Variants in OXSR1 observed in about 807,000 individuals in gnomAD.
OXSR1 encodes serine/threonine-protein kinase OSR1.
OXSR1 carries 24 observed loss-of-function variants against 79.8 expected under a neutral mutation model. The ratio of observed to expected loss-of-function variants is 0.30; its 90% CI spans 0.22 to 0.42. OXSR1 has a LOEUF of 0.42. Ranked by LOEUF, OXSR1 falls within the 10% of genes least tolerant of loss-of-function variation. The pLI, the probability that OXSR1 is intolerant of heterozygous loss-of-function variation, is 1.00. For missense variants in OXSR1, 430 were observed against 618.4 expected, an observed-to-expected ratio of 0.70 and a Z score of 3.23; for synonymous variants, 226 against 209.2, an observed-to-expected ratio of 1.08 and a Z score of -0.69.
chr3:38,214,111 G>C (rs1338051786), intron 4 of OXSR1, among the ~76,000 whole-genome samples: 1 of 151,494 alleles, frequency 6.6e-6, no homozygotes, highest in African/African-American at 2.4e-5. Context: ...AGTAGGGATT[G>C]GGGAAGCAGG....
chr3:38,193,431 C>T, intron 3 of OXSR1: 1 of 1,263,702 alleles, frequency 7.9e-7, no homozygotes, highest in Non-Finnish European at 1.0e-6. Context: ...AATACTGTAT[C>T]TTTCGTTATT....
At chr3:38,182,894 C>A in intron 1 of OXSR1, 109 bp from the exon 2 acceptor site, 1 of 598,448 alleles carries the variant, frequency 1.7e-6, no homozygotes, top group South Asian at 2.3e-5. Flanking sequence ...CTGTTATGCG[C>A]TGTAGGAACA....
intron 4 of OXSR1, among the ~76,000 whole-genome samples, chr3:38,205,211 T>A (rs1702244202): frequency 6.6e-6 from 1 of 152,218 alleles, no homozygotes; most frequent in Non-Finnish European, 1.5e-5. Flanking sequence ...ACCATTAGTG[T>A]CTCTAACAGT....
At position 38,246,059 on chromosome 3, in the gene OXSR1, T is replaced by C; in HGVS notation, c.1111-16T>C. The C allele has an allele frequency of 1.2e-6, 2 of 1,612,700 alleles. No homozygotes were observed. Among genetic ancestry groups the C allele is most frequent in the South Asian group, 1.1e-5 (1 of 91,050 alleles). The stretch of plus-strand genomic sequence containing the variant: ...TCCACACAACTTAAGCAACACTGTG[T>C]GTGTTTTTGTTACAGCTCTTTCCAA... On this transcript the variant is annotated splice_polypyrimidine_tract_variant and intron_variant, in intron 12 of 17. Coordinates refer to ENST00000311806, the MANE Select transcript of OXSR1 (RefSeq NM_005109.3).
intron 8 of OXSR1, among the ~76,000 whole-genome samples, chr3:38,227,572 CACACACACACACACAAAT>C (rs1158790516): frequency 6.6e-6 from 1 of 151,376 alleles, no homozygotes; most frequent in Non-Finnish European, 1.5e-5. Context: ...CACACACACA[CACACACACACACACAAAT>C]GTACGTATAC....
chr3:38,201,316 C>T (rs947402626), intron 4 of OXSR1, among the ~76,000 whole-genome samples: 2 of 151,986 alleles, frequency 1.3e-5, no homozygotes, highest in Non-Finnish European at 1.5e-5. Context: ...GCCTATAATC[C>T]CAGCACTTTG....
chr3:38,179,894 C>T (rs1701749514), intron 1 of OXSR1, among the ~76,000 whole-genome samples: 1 of 152,000 alleles, frequency 6.6e-6, no homozygotes, highest in African/African-American at 2.4e-5. Flanking sequence ...CTGTAACCTC[C>T]ACCTTCCGGG....
chr3:38,223,925 A>T lies in OXSR1; in HGVS notation c.702+12A>T, dbSNP rs370524330. ...ATCCACCAATGAAGGTGAGGCTTGT[A>T]TTCCAAATACTACCCCAGCTCAAGT... On this transcript the variant is annotated intron_variant, in intron 7 of 17. Transcript: ENST00000311806. The T allele has an allele frequency of 2.2e-4, 337 of 1,514,616 alleles. 4 individuals carry two copies. Among genetic ancestry groups the T allele is most frequent in the Middle Eastern group, 1.0e-3 (6 of 5,844 alleles). 93.8% of individuals were successfully genotyped at this position (1,514,616 alleles called of 1,614,324 possible). A position where few individuals can be genotyped will look rare whatever the true frequency, so the allele number is the denominator to read the frequency against.
At chr3:38,186,166 T>G (rs1413073406) in intron 2 of OXSR1, among the ~76,000 whole-genome samples, 2 of 151,636 alleles carry the variant, frequency 1.3e-5, no homozygotes, top group African/African-American at 4.8e-5. Context: ...GAAGAAATAA[T>G]AAGTGAAAAA....
At chr3:38,206,115 T>C (rs1702259619) in intron 4 of OXSR1, among the ~76,000 whole-genome samples, 1 of 152,198 alleles carries the variant, frequency 6.6e-6, no homozygotes. Flanking sequence ...AAAATTAATT[T>C]TGACACAAGA....
intron 5 of OXSR1, among the ~76,000 whole-genome samples, chr3:38,216,534 A>G (rs1411396207): frequency 2.0e-5 from 3 of 152,046 alleles, no homozygotes; most frequent in Non-Finnish European, 4.4e-5. Context: ...GTCCTGGGGG[A>G]AATGGAGTAT....
At chr3:38,240,622 T>G (rs1383833209) in intron 11 of OXSR1, among the ~76,000 whole-genome samples, 1 of 151,990 alleles carries the variant, frequency 6.6e-6, no homozygotes, top group Non-Finnish European at 1.5e-5. Flanking sequence ...TGAGAAATGG[T>G]TGATTCCAGG....
In OXSR1 at chr3:38,176,028, G is replaced by C. The variant is rs111885374; in HGVS notation, c.71-6975G>C. Reference sequence around the variant, plus strand: ...ACACTTTGACTAAACCATTCCTTTTGTTCTTTAAAAAATTTTTTTTTTCTA... The same window carrying C: ...ACACTTTGACTAAACCATTCCTTTTCTTCTTTAAAAAATTTTTTTTTTCTA... On this transcript the variant is annotated intron_variant, in intron 1 of 17. Coordinates refer to ENST00000311806, the MANE Select transcript of OXSR1 (RefSeq NM_005109.3). Among the ~76,000 whole-genome samples, 160 of 152,114 alleles carry C rather than the reference G, an allele frequency of 1.1e-3. 1 individual carries two copies. The highest frequency in any genetic ancestry group is 3.4e-3 in the Middle Eastern group (1 of 294).
intron 1 of OXSR1, among the ~76,000 whole-genome samples, chr3:38,174,583 AAAACAAAC>A (rs754279980): frequency 6.6e-6 from 1 of 152,196 alleles, no homozygotes; most frequent in Non-Finnish European, 1.5e-5. Flanking sequence ...CACTGTCTCA[AAAACAAAC>A]AAACAAACAC....
At chr3:38,189,829 T>G (rs1701950509) in intron 2 of OXSR1, among the ~76,000 whole-genome samples, 1 of 152,212 alleles carries the variant, frequency 6.6e-6, no homozygotes, top group Non-Finnish European at 1.5e-5. Flanking sequence ...CCACAGTGAT[T>G]GAGAATCTAC....
At chr3:38,250,873 A>T (rs1703242677) in intron 15 of OXSR1, among the ~76,000 whole-genome samples, 1 of 152,042 alleles carries the variant, frequency 6.6e-6, no homozygotes, top group East Asian at 1.9e-4. Flanking sequence ...GGCAACCAAT[A>T]CCACTGAGTT....
intron 6 of OXSR1, among the ~76,000 whole-genome samples, chr3:38,223,261 G>A (rs1301159272): frequency 3.9e-5 from 6 of 151,982 alleles, no homozygotes; most frequent in East Asian, 1.9e-4. Flanking sequence ...CAGCTGGACT[G>A]TAGGCATACG....
intron 14 of OXSR1, among the ~76,000 whole-genome samples, chr3:38,249,700 TG>T (rs1703216362): frequency 6.6e-6 from 1 of 152,012 alleles, no homozygotes; most frequent in East Asian, 1.9e-4. Flanking sequence ...AGGATGGGAG[TG>T]GGCATATAAG....
At chr3:38,230,567 T>A in intron 10 of OXSR1, 137 bp downstream of exon 10, 1 of 636,900 alleles carries the variant, frequency 1.6e-6, no homozygotes, top group Non-Finnish European at 2.8e-6. Flanking sequence ...CATTCTTTGA[T>A]ACATTCATTC....
Sources: gnomAD v4.1 joint callset for allele counts (sites outside exome capture counted in the v4.1 genomes callset) on GRCh38, gnomAD v4.1.1 for gene constraint, MANE v1.5 for transcripts, NCBI Gene and HGNC (gene_info 2026-07-23, HGNC 2026-07-21) for gene names.